Variants in UST observed in about 807,000 individuals in gnomAD.
UST encodes uronyl 2-sulfotransferase.
In UST, 21 loss-of-function variants were observed where a neutral mutation model predicts 45.6. The observed-to-expected ratio is 0.46, with a 90% confidence interval of 0.33 to 0.66. UST has a LOEUF of 0.66. Among genes scored for constraint, UST ranks in the 30% least tolerant of loss-of-function variants. UST has a pLI of 0.02. For synonymous variants in UST, 215 were observed against 200.6 expected (o/e 1.07, Z -0.61); for missense variants, 463 against 512.4 (o/e 0.90, Z 0.93).
At chr6:148,853,351 T>C (rs1778142380) in intron 1 of UST, among the ~76,000 whole-genome samples, 1 of 152,230 alleles carries the variant, frequency 6.6e-6, no homozygotes, top group African/African-American at 2.4e-5. Flanking sequence ...ATCCAGTCTG[T>C]CGTCTGTCAT....
chr6:148,756,246 C>G lies in UST; in HGVS notation c.247+8569C>G, dbSNP rs943361363. Reference sequence around the variant, plus strand: ...TCATAAGGGGCTTTTCCCCTTTGCTCAGCACTTCTCTCTCCTGCCACCATG... The same window carrying G: ...TCATAAGGGGCTTTTCCCCTTTGCTGAGCACTTCTCTCTCCTGCCACCATG... On this transcript the variant is annotated intron_variant, in intron 1 of 7. Transcript: ENST00000367463. 3.3e-5 allele frequency among the ~76,000 whole-genome samples: 5 copies of G among 152,184 alleles called. No homozygotes were observed. The East Asian group carries it at 7.7e-4, about 24-fold the overall frequency.
Position 148,899,634 on chromosome 6 carries a change from A to G in UST, c.291+12605A>G, listed in dbSNP as rs148381332. On this transcript the variant is annotated intron_variant, in intron 2 of 7. Coordinates refer to ENST00000367463, the MANE Select transcript of UST (RefSeq NM_005715.3). ...GCCTCCTGTCACATTTGTTGCAAAT[A>G]TTTCATCAGTCCTTGTATGTTTAAT... Among the ~76,000 whole-genome samples, 376 of 152,342 alleles carry G rather than the reference A, an allele frequency of 2.5e-3. 2 individuals are homozygous for G. Among genetic ancestry groups the G allele is most frequent in the African/African-American group, 8.4e-3 (351 of 41,578 alleles).
intron 5 of UST, among the ~76,000 whole-genome samples, chr6:148,972,399 AG>A (rs1360863080): frequency 6.6e-6 from 1 of 152,336 alleles, no homozygotes; most frequent in Non-Finnish European, 1.5e-5. Context: ...AGTGTGTAAA[AG>A]CCTGAGAGCA....
intron 1 of UST, among the ~76,000 whole-genome samples, chr6:148,825,360 G>A (rs918910409): frequency 5.9e-5 from 9 of 152,178 alleles, no homozygotes; most frequent in Non-Finnish European, 1.2e-4. Flanking sequence ...GGTCCTTTGT[G>A]CATCCCCTTT....
chr6:148,759,465 T>A (rs1776163222), intron 1 of UST, among the ~76,000 whole-genome samples: 1 of 150,920 alleles, frequency 6.6e-6, no homozygotes, highest in Non-Finnish European at 1.5e-5. Flanking sequence ...AGGCGGAGCT[T>A]GCAGTGAGCC....
intron 1 of UST, among the ~76,000 whole-genome samples, chr6:148,821,261 G>A (rs547040623): frequency 1.3e-5 from 2 of 151,868 alleles, no homozygotes; most frequent in Admixed American, 6.5e-5. Flanking sequence ...ATGAGCCACC[G>A]CACCTGGCTG....
At chr6:148,770,520 A>G (rs1010438318) in intron 1 of UST, among the ~76,000 whole-genome samples, 1 of 152,048 alleles carries the variant, frequency 6.6e-6, no homozygotes, top group African/African-American at 2.4e-5. Context: ...CTGGTATGCA[A>G]TGAGAAGCCA....
intron 1 of UST, 92 bp from the exon 2 acceptor site, chr6:148,886,894 G>T: frequency 9.4e-7 from 1 of 1,062,888 alleles, no homozygotes; most frequent in Non-Finnish European, 1.5e-6. Context: ...CAGAAATACT[G>T]TATAACTAGA....
intron 5 of UST, among the ~76,000 whole-genome samples, chr6:149,005,753 C>G (rs1452444491): frequency 2.0e-5 from 3 of 152,174 alleles, no homozygotes; most frequent in Admixed American, 1.3e-4. Flanking sequence ...GAACTCATTT[C>G]CACCAGACAC....
intron 1 of UST, among the ~76,000 whole-genome samples, chr6:148,752,017 T>C (rs1194637519): frequency 6.6e-6 from 1 of 152,252 alleles, no homozygotes; most frequent in Non-Finnish European, 1.5e-5. Flanking sequence ...GCTAAACTTG[T>C]TGGACTCATT....
intron 1 of UST, among the ~76,000 whole-genome samples, chr6:148,755,644 CTTTTTTTTTTCT>C (rs995934769): frequency 1.6e-4 from 22 of 138,534 alleles, no homozygotes; most frequent in African/African-American, 6.0e-4. Context: ...CTGATGGTTT[CTTTTTTTTTTCT>C]TTTTTTTTTT....
intron 7 of UST, among the ~76,000 whole-genome samples, chr6:149,045,778 C>T (rs1184215556): frequency 6.6e-6 from 1 of 152,136 alleles, no homozygotes; most frequent in Non-Finnish European, 1.5e-5. Flanking sequence ...TCTCCATTTT[C>T]TTTAATCATC....
intron 2 of UST, among the ~76,000 whole-genome samples, chr6:148,925,298 C>T (rs1411622657): frequency 1.3e-5 from 2 of 152,122 alleles, no homozygotes; most frequent in East Asian, 3.9e-4. Flanking sequence ...AAGGTGCTTC[C>T]AGCAATCTGA....
rs186340998 is a variant in UST, at chr6:149,057,151, T to C, written c.938-16682T>C. 8.5e-5 allele frequency among the ~76,000 whole-genome samples: 13 copies of C among 152,370 alleles called. 1 individual carries two copies. The highest frequency in any genetic ancestry group is 8.5e-4 in the Admixed American group (13 of 15,304). On this transcript the variant is annotated intron_variant, in intron 7 of 7. Transcript: ENST00000367463. ...ACTATAAAAATACAAAGTTCTGTGA[T>C]AGCCCTATCTGAGTACCCAGTTCAT...
intron 1 of UST, among the ~76,000 whole-genome samples, chr6:148,821,702 CA>C (rs1156940114): frequency 4.6e-5 from 7 of 152,190 alleles, no homozygotes; most frequent in Admixed American, 2.0e-4. Flanking sequence ...CCATTATTAC[CA>C]AATTGGTGCC....
At chr6:148,944,647 A>C (rs1780198632) in intron 3 of UST, among the ~76,000 whole-genome samples, 1 of 152,214 alleles carries the variant, frequency 6.6e-6, no homozygotes, top group Non-Finnish European at 1.5e-5. Flanking sequence ...ATGCCTATAA[A>C]AATCCCACTA....
At position 148,747,476 on chromosome 6, in the gene UST, C is replaced by A; in HGVS notation, c.46C>A (p.Pro16Thr). 1 of 1,477,888 alleles carries A rather than the reference C, an allele frequency of 6.8e-7. No individual in the cohort carries two copies. The allele number at this position is 1,477,888 out of a possible 1,614,324, so 91.5% of individuals were successfully genotyped here. Residue 16 changes from proline (P) to threonine (T), a missense_variant, in exon 1 of 8, where the codon CCC becomes ACC. Coordinates refer to ENST00000367463, the MANE Select transcript of UST (RefSeq NM_005715.3). Reference sequence around the variant, plus strand: ...TCCCGGCGGCGGCGCGGATCCCTGGCCCCATGGGGCCCCTATGGGGGGCGC... The same window carrying A: ...TCCCGGCGGCGGCGCGGATCCCTGGACCCATGGGGCCCCTATGGGGGGCGC... The part of the protein sequence containing the change: ...QHPGGGADPW[P>T]HGAPMGGAPP...
At chr6:148,929,642 C>T (rs963106168) in intron 2 of UST, among the ~76,000 whole-genome samples, 1 of 152,188 alleles carries the variant, frequency 6.6e-6, no homozygotes, top group Non-Finnish European at 1.5e-5. Flanking sequence ...TATTTATTTA[C>T]GAGAGAATGT....
chr6:149,006,329 A>ATGTAG (rs1408431682), intron 5 of UST, among the ~76,000 whole-genome samples: 2 of 152,030 alleles, frequency 1.3e-5, no homozygotes, highest in Non-Finnish European at 2.9e-5. Flanking sequence ...AAGTGAGAAC[A>ATGTAG]TGTAGTGTTT....
Sources: allele counts gnomAD v4.1 joint callset (sites outside exome capture counted in the v4.1 genomes callset), GRCh38; gene constraint gnomAD v4.1.1; transcripts MANE v1.5; gene names NCBI Gene and HGNC (gene_info 2026-07-23, HGNC 2026-07-21).